FBXO36: variants seen among roughly 807,000 people sequenced by gnomAD.
FBXO36 encodes the protein F-box only protein 36.
A neutral mutation model predicts 17.0 loss-of-function variants in FBXO36; 18 were observed. That is an observed-to-expected ratio of 1.06 (90% CI 0.73 to 1.57). The LOEUF (loss-of-function observed/expected upper bound fraction) is 1.57. FBXO36 is among the 40% of genes most tolerant of loss of function. The probability of loss-of-function intolerance (pLI) is 0.00; values close to 1 mark genes in which losing one functional copy is unlikely to be tolerated. For synonymous variants in FBXO36, 83 were observed against 85.3 expected, an observed-to-expected ratio of 0.97 and a Z score of 0.15; for missense variants, 229 against 221.9, an observed-to-expected ratio of 1.03 and a Z score of -0.20.
intron 1 of FBXO36, among the ~76,000 whole-genome samples, chr2:229,941,164 A>G (rs1331316722): frequency 6.6e-6 from 1 of 152,166 alleles, no homozygotes; most frequent in East Asian, 1.9e-4. Flanking sequence ...CTTCTTGAAA[A>G]TGGGGACGAA....
At chr2:229,981,092 C>T (rs920126422) in intron 2 of FBXO36, among the ~76,000 whole-genome samples, 2 of 152,196 alleles carry the variant, frequency 1.3e-5, no homozygotes, top group Admixed American at 1.3e-4. Context: ...GCCACCAGCC[C>T]GCTGTGTGAT....
intron 1 of FBXO36, among the ~76,000 whole-genome samples, chr2:229,951,145 G>A (rs761438608): frequency 2.0e-4 from 31 of 152,036 alleles, no homozygotes; most frequent in Non-Finnish European, 3.4e-4. Flanking sequence ...TTGTTAGCTA[G>A]GATGGTCTCG....
chr2:230,010,975 A>G lies in FBXO36; in HGVS notation c.*91A>G. ...TTCTGTCTCCTTTTCTTAAGAACTA[A>G]GAGGTTTTGTTGATGCGTGGAGCCA... On this transcript the variant is annotated 3_prime_UTR_variant, in exon 4 of 4. Transcript: ENST00000283946. The G allele has an allele frequency of 7.3e-7, 1 of 1,365,500 alleles. No individual in the cohort carries two copies. Among genetic ancestry groups the G allele is most frequent in the Non-Finnish European group, 9.8e-7 (1 of 1,017,006 alleles). The allele number at this position is 1,365,500 out of a possible 1,614,324, so 84.6% of individuals were successfully genotyped here.
rs577362321 is a variant in FBXO36, at chr2:230,009,186, G to A, written c.379-1510G>A. 2.3e-4 allele frequency among the ~76,000 whole-genome samples: 35 copies of A among 152,176 alleles called. 1 individual carries two copies. The highest frequency in any genetic ancestry group is 7.9e-4 in the African/African-American group (33 of 41,514). ...TCCCCAGGAGGAAGTCAGGACACAG[G>A]GGGGCACAGCACAACAGGGCTGGCC... On this transcript the variant is annotated intron_variant, in intron 3 of 3. Transcript: ENST00000283946.
intron 1 of FBXO36, among the ~76,000 whole-genome samples, chr2:229,974,671 A>G (rs2077198400): frequency 6.6e-6 from 1 of 152,112 alleles, no homozygotes; most frequent in African/African-American, 2.4e-5. Context: ...CACTCAACCA[A>G]GGATTTTGTT....
intron 1 of FBXO36, among the ~76,000 whole-genome samples, chr2:229,941,320 T>C (rs2076997541): frequency 6.6e-6 from 1 of 152,052 alleles, no homozygotes. Flanking sequence ...CTGGGTGTGG[T>C]GGCACACGCC....
intron 2 of FBXO36, among the ~76,000 whole-genome samples, chr2:229,987,155 G>GA (rs2077272497): frequency 6.7e-6 from 1 of 150,026 alleles, no homozygotes; most frequent in Non-Finnish European, 1.5e-5. Context: ...AGGCTGCAGT[G>GA]AGTCAAGATT....
chr2:229,965,837 G>A (rs1055258158), intron 1 of FBXO36, among the ~76,000 whole-genome samples: 8 of 152,048 alleles, frequency 5.3e-5, no homozygotes, highest in Non-Finnish European at 1.0e-4. Context: ...ATAAACATAC[G>A]TGTGCATGTG....
intron 3 of FBXO36, among the ~76,000 whole-genome samples, chr2:230,007,072 C>T (rs575415491): frequency 6.6e-6 from 1 of 152,362 alleles, no homozygotes; most frequent in South Asian, 2.1e-4. Context: ...AGTAGAGCTC[C>T]ACACCTGTCA....
intron 1 of FBXO36, among the ~76,000 whole-genome samples, chr2:229,944,276 A>G (rs1242895321): frequency 1.3e-5 from 2 of 152,222 alleles, no homozygotes; most frequent in Non-Finnish European, 2.9e-5. Context: ...ATTGAAATGA[A>G]ACCTAAGGTA....
intron 1 of FBXO36, among the ~76,000 whole-genome samples, chr2:229,962,370 A>G (rs2077126851): frequency 6.6e-6 from 1 of 151,686 alleles, no homozygotes; most frequent in Non-Finnish European, 1.5e-5. Context: ...TTGCTCTGTC[A>G]TTAAGGCTGG....
chr2:229,956,095 C>T (rs982314456), intron 1 of FBXO36, among the ~76,000 whole-genome samples: 8 of 152,218 alleles, frequency 5.3e-5, no homozygotes, highest in African/African-American at 1.9e-4. Flanking sequence ...AAAATCTATT[C>T]TTACAATTAT....
chr2:229,972,058 A>G (rs1307470051), intron 1 of FBXO36, among the ~76,000 whole-genome samples: 1 of 144,614 alleles, frequency 6.9e-6, no homozygotes, highest in Non-Finnish European at 1.5e-5. Flanking sequence ...CAATGACACG[A>G]TCTTGGCTCA....
chr2:229,969,654 C>T (rs1260977181), intron 1 of FBXO36, among the ~76,000 whole-genome samples: 2 of 152,088 alleles, frequency 1.3e-5, no homozygotes, highest in African/African-American at 2.4e-5. Flanking sequence ...CGCCACCACA[C>T]TCCAGTCTGG....
At chr2:230,009,895 G>A (rs765758354) in intron 3 of FBXO36, among the ~76,000 whole-genome samples, 6 of 151,944 alleles carry the variant, frequency 3.9e-5, no homozygotes, top group Admixed American at 2.6e-4. Context: ...GCAGTGAGCC[G>A]AGATCGCACC....
At chr2:229,971,389 CAA>C (rs1361164186) in intron 1 of FBXO36, among the ~76,000 whole-genome samples, 1 of 149,934 alleles carries the variant, frequency 6.7e-6, no homozygotes, top group Non-Finnish European at 1.5e-5. Flanking sequence ...AAACAAAAAA[CAA>C]GTGATAAAAT....
chr2:229,997,181 A>G (rs112462272), intron 3 of FBXO36, among the ~76,000 whole-genome samples: 3 of 152,130 alleles, frequency 2.0e-5, no homozygotes, highest in African/African-American at 7.2e-5. Flanking sequence ...AAGAGAGTGC[A>G]AAGTGATTTT....
intron 2 of FBXO36, among the ~76,000 whole-genome samples, chr2:229,987,989 T>A (rs1465942869): frequency 6.6e-6 from 1 of 152,212 alleles, no homozygotes; most frequent in African/African-American, 2.4e-5. Flanking sequence ...ACTGCTGCTT[T>A]ACCTACATAG....
intron 1 of FBXO36, among the ~76,000 whole-genome samples, chr2:229,940,827 G>A (rs1216530658): frequency 6.6e-6 from 1 of 152,170 alleles, no homozygotes; most frequent in Non-Finnish European, 1.5e-5. Context: ...TCTATCCCCA[G>A]AATCGTGAGA....
Sources: allele counts gnomAD v4.1 joint callset (sites outside exome capture counted in the v4.1 genomes callset), GRCh38; gene constraint gnomAD v4.1.1; transcripts MANE v1.5; gene names NCBI Gene and HGNC (gene_info 2026-07-23, HGNC 2026-07-21).